CAMTA1: variants seen among roughly 807,000 people sequenced by gnomAD.
The protein encoded by CAMTA1 is calmodulin-binding transcription activator 1.
A neutral mutation model predicts 170.9 loss-of-function variants in CAMTA1; 27 were observed. The observed-to-expected ratio is 0.16, with a 90% CI of 0.12 to 0.22. The LOEUF (loss-of-function observed/expected upper bound fraction) is 0.22, where lower values mean the gene tolerates loss of function less well. Among genes scored for constraint, CAMTA1 ranks in the 10% least tolerant of loss-of-function variants. The pLI is 1.00. For synonymous variants in CAMTA1, 833 were observed against 891.5 expected, an observed-to-expected ratio of 0.93 and a Z score of 1.17; for missense variants, 1,619 against 2,217.2, an observed-to-expected ratio of 0.73 and a Z score of 5.42.
chr1:7,190,659 T>TA (rs1468050870), intron 4 of CAMTA1, among the ~76,000 whole-genome samples: 2 of 152,048 alleles, frequency 1.3e-5, no homozygotes, highest in Non-Finnish European at 2.9e-5. Flanking sequence ...TTTTGTAATT[T>TA]AAAAAAATAG....
intron 4 of CAMTA1, among the ~76,000 whole-genome samples, chr1:7,232,920 A>G (rs1045925702): frequency 6.6e-6 from 1 of 151,916 alleles, no homozygotes; most frequent in African/African-American, 2.4e-5. Context: ...TCAGCCAGAA[A>G]GGAGAAGAGC....
chr1:6,819,186 T>C (rs1646191924), intron 1 of CAMTA1, among the ~76,000 whole-genome samples: 2 of 152,174 alleles, frequency 1.3e-5, no homozygotes, highest in African/African-American at 4.8e-5. Flanking sequence ...TCTAAGTGTA[T>C]AAATATGTGG....
chr1:7,586,386 G>A (rs562709261), intron 6 of CAMTA1, among the ~76,000 whole-genome samples: 1 of 152,308 alleles, frequency 6.6e-6, no homozygotes, highest in South Asian at 2.1e-4. Flanking sequence ...AGAGGCCCGA[G>A]ATAAAGCCCA....
chr1:7,364,371 G>A (rs1051627387), intron 5 of CAMTA1, among the ~76,000 whole-genome samples: 2 of 152,114 alleles, frequency 1.3e-5, no homozygotes, highest in Non-Finnish European at 2.9e-5. Context: ...TCTGGTAAGA[G>A]GCTGTTCCTG....
intron 6 of CAMTA1, among the ~76,000 whole-genome samples, chr1:7,589,580 G>C (rs755055767): frequency 6.6e-6 from 1 of 152,260 alleles, no homozygotes; most frequent in Non-Finnish European, 1.5e-5. Flanking sequence ...GGTTGTCTCC[G>C]CTGGCTCCAG....
intron 5 of CAMTA1, among the ~76,000 whole-genome samples, chr1:7,459,277 G>T (rs1363861144): frequency 6.6e-6 from 1 of 152,198 alleles, no homozygotes; most frequent in Non-Finnish European, 1.5e-5. Context: ...ATGCCTCTGT[G>T]CAAGACACTT....
intron 5 of CAMTA1, among the ~76,000 whole-genome samples, chr1:7,375,483 T>G (rs980709975): frequency 2.6e-5 from 4 of 152,144 alleles, no homozygotes; most frequent in African/African-American, 9.7e-5. Context: ...TGGTTGCCAC[T>G]GGGGGACTGA....
chr1:7,340,059 C>T lies in CAMTA1; in HGVS notation c.438+90433C>T, dbSNP rs190461197. ...CAGCAAATTTTTTTCTGTAAAGAACCAGCCAGTAAATATCTTGGGCTTTGC... is the reference window on the plus strand; with the variant it reads ...CAGCAAATTTTTTTCTGTAAAGAACTAGCCAGTAAATATCTTGGGCTTTGC... On this transcript the variant is annotated intron_variant, in intron 5 of 22. Coordinates refer to ENST00000303635, the MANE Select transcript of CAMTA1 (RefSeq NM_015215.4). Among the ~76,000 whole-genome samples the T allele has an allele frequency of 7.9e-5, 12 of 152,300 alleles. No individual in the cohort carries two copies. In the East Asian group the frequency reaches 2.1e-3, roughly 27 times the overall value.
chr1:7,055,909 C>T (rs965665728), intron 3 of CAMTA1, among the ~76,000 whole-genome samples: 4 of 152,178 alleles, frequency 2.6e-5, no homozygotes, highest in African/African-American at 4.8e-5. Context: ...TGAGTTACAG[C>T]GAGTCCCCTG....
intron 6 of CAMTA1, among the ~76,000 whole-genome samples, chr1:7,619,980 C>T (rs2095586483): frequency 6.6e-6 from 1 of 152,196 alleles, no homozygotes; most frequent in African/African-American, 2.4e-5. Context: ...TGCACACATT[C>T]AAAGCAATGT....
intron 3 of CAMTA1, among the ~76,000 whole-genome samples, chr1:6,875,285 C>T (rs1192670615): frequency 6.6e-6 from 1 of 152,094 alleles, no homozygotes; most frequent in Non-Finnish European, 1.5e-5. Context: ...CTTCAGCCAT[C>T]AGACCTTTTT....
chr1:7,680,866 A>G lies in CAMTA1; in HGVS notation c.2914+3133A>G, dbSNP rs1425916209. ...CACGCGCGCGCGCGCGCGCGCCAGC[A>G]GCAGCAGCAGCAGCAGCTGCTGCGG... is the stretch of plus-strand genomic sequence containing the variant. On this transcript the variant is annotated intron_variant, in intron 11 of 22. Transcript: ENST00000303635. The surrounding 1 kb of genome is among the most constrained non-coding windows in gnomAD (Gnocchi z 4.4). Among the ~76,000 whole-genome samples, 369 of 135,458 alleles carry G rather than the reference A, an allele frequency of 2.7e-3. 1 individual carries two copies. Among genetic ancestry groups the G allele is most frequent in the Non-Finnish European group, 4.4e-3 (269 of 60,720 alleles). The allele number at this position is 135,458 out of a possible 152,430, so 88.9% of individuals were successfully genotyped here. A position where few individuals can be genotyped will look rare whatever the true frequency, so the allele number is the denominator to read the frequency against.
intron 5 of CAMTA1, among the ~76,000 whole-genome samples, chr1:7,289,891 C>T (rs1263875222): frequency 1.3e-5 from 2 of 152,222 alleles, no homozygotes; most frequent in Admixed American, 1.3e-4. Context: ...GTCTTACCAA[C>T]ACCTTAATCT....
intron 4 of CAMTA1, among the ~76,000 whole-genome samples, chr1:7,175,165 C>A (rs1235592502): frequency 6.6e-6 from 1 of 152,076 alleles, no homozygotes; most frequent in Non-Finnish European, 1.5e-5. Flanking sequence ...TGGATGTTGG[C>A]ACTTTTCAGG....
chr1:6,940,095 A>G (rs1686180363), intron 3 of CAMTA1, among the ~76,000 whole-genome samples: 1 of 152,258 alleles, frequency 6.6e-6, no homozygotes, highest in Admixed American at 6.5e-5. Flanking sequence ...GAAATCTTCA[A>G]CTAGGTGCTG....
At chr1:7,159,497 G>C (rs1647078728) in intron 4 of CAMTA1, among the ~76,000 whole-genome samples, 1 of 151,928 alleles carries the variant, frequency 6.6e-6, no homozygotes, top group African/African-American at 2.4e-5. Flanking sequence ...ACCTCCCTGA[G>C]CTCTGGATCC....
intron 11 of CAMTA1, among the ~76,000 whole-genome samples, chr1:7,700,003 T>C (rs2096421386): frequency 6.6e-6 from 1 of 152,252 alleles, no homozygotes; most frequent in African/African-American, 2.4e-5. Context: ...GATGTTGCCC[T>C]TTGAAGCAAA....
intron 4 of CAMTA1, among the ~76,000 whole-genome samples, chr1:7,199,620 G>T (rs923186917): frequency 1.8e-4 from 28 of 152,206 alleles, no homozygotes; most frequent in African/African-American, 6.7e-4. Context: ...CCTTGGTCCT[G>T]TTCTCCAGGG....
chr1:7,415,899 G>A (rs890349815), intron 5 of CAMTA1, among the ~76,000 whole-genome samples: 236 of 152,084 alleles, frequency 1.6e-3, no homozygotes, highest in Middle Eastern at 0.01. Flanking sequence ...GGCTGGTACT[G>A]GTTGTTCCTT....
Sources: gnomAD v4.1 joint callset for allele counts (sites outside exome capture counted in the v4.1 genomes callset) on GRCh38, gnomAD v4.1.1 for gene constraint, Gnocchi (gnomAD v3.1) non-coding constraint, MANE v1.5 for transcripts, NCBI Gene and HGNC (gene_info 2026-07-23, HGNC 2026-07-21) for gene names.